Variants in RAB3GAP2 observed in about 807,000 individuals in gnomAD.
RAB3GAP2 encodes RAB3 GTPase activating non-catalytic protein subunit 2.
In RAB3GAP2, 87 loss-of-function variants were observed where a neutral mutation model predicts 185.3. That is an observed-to-expected ratio of 0.47 (90% CI 0.39 to 0.56). RAB3GAP2 has a LOEUF of 0.56. RAB3GAP2 is among the 20% of genes least tolerant of loss of function. The pLI, the probability that RAB3GAP2 is intolerant of heterozygous loss-of-function variation, is 0.00. For missense variants in RAB3GAP2, 1,492 were observed against 1,638.2 expected (o/e 0.91, Z 1.54); for synonymous variants, 554 against 576.1 (o/e 0.96, Z 0.55).
At chr1:220,218,376 T>C (rs1159655752) in intron 2 of RAB3GAP2, among the ~76,000 whole-genome samples, 2 of 152,164 alleles carry the variant, frequency 1.3e-5, no homozygotes. Flanking sequence ...GATAATATTA[T>C]TATATCATCA....
At position 220,153,282 on chromosome 1, in the gene RAB3GAP2, A is replaced by G; in HGVS notation, c.3770T>C (p.Val1257Ala). 2 of 1,614,166 alleles carry G rather than the reference A, an allele frequency of 1.2e-6. No homozygotes were observed. Among genetic ancestry groups the G allele is most frequent in the Non-Finnish European group, 1.7e-6 (2 of 1,180,000 alleles). The change falls in exon 33 of 35, where the codon GTG (valine) becomes GCG (alanine). Residue 1257 changes from valine to alanine, a missense_variant. Physicochemically the swap from Val to Ala is moderately conservative, Grantham distance 64. This residue lies in a region of RAB3GAP2 where 387 missense variants were observed against 455.3 expected (regional missense o/e 0.85). Transcript: ENST00000358951. ...GKDQDWPALAVDLAHHLQVSE... is the reference protein window; with the variant it reads ...GKDQDWPALAADLAHHLQVSE... ...AACTTGAAGGTGATGGGCTAAATCC[A>G]CAGCTAGAGCTGGCCAATCTTGGTC...
rs3213884 is a variant in RAB3GAP2, at chr1:220,170,763, A to G, written c.2806+129T>C. On this transcript the variant is annotated intron_variant, in intron 24 of 34. Transcript: ENST00000358951. ...GAGAAAATTAATTTAAAGGTAGTAT[A>G]TAGAAGGTTATTGTTATTTTTAAAT... The G allele has an allele frequency of 5.6e-5, 45 of 809,998 alleles. No homozygotes were observed. In the East Asian group the frequency reaches 1.2e-3, roughly 21 times the overall value. The allele number at this position is 809,998 out of a possible 1,614,324, so 50.2% of individuals were successfully genotyped here. A position where few individuals can be genotyped will look rare whatever the true frequency, so the allele number is the denominator to read the frequency against.
chr1:220,223,675 T>C (rs1386456362), intron 2 of RAB3GAP2, among the ~76,000 whole-genome samples: 1 of 150,454 alleles, frequency 6.6e-6, no homozygotes, highest in Non-Finnish European at 1.5e-5. Flanking sequence ...AAAACATGGG[T>C]GGAGAGAAAT....
At chr1:220,239,452 A>T (rs1347434603) in intron 1 of RAB3GAP2, among the ~76,000 whole-genome samples, 4 of 152,136 alleles carry the variant, frequency 2.6e-5, no homozygotes, top group Non-Finnish European at 5.9e-5. Context: ...GTTGGTCTTG[A>T]ACTTGTAAGC....
intron 4 of RAB3GAP2, 67 bp from the exon 5 acceptor site, chr1:220,211,069 T>C (rs1264364461): frequency 2.1e-6 from 3 of 1,459,210 alleles, no homozygotes; most frequent in South Asian, 1.2e-5. Flanking sequence ...TTCTCTATAA[T>C]TGGATGTTAA....
At chr1:220,271,180 GACTGGCACAA>G (rs989328212) in intron 1 of RAB3GAP2, 1 of 152,180 alleles carries the variant, frequency 6.6e-6, no homozygotes, top group African/African-American at 2.4e-5. Flanking sequence ...TAGCACCAAT[GACTGGCACAA>G]AGTATGCAAT....
intron 28 of RAB3GAP2, among the ~76,000 whole-genome samples, chr1:220,161,147 A>T (rs1355053270): frequency 1.3e-5 from 2 of 152,194 alleles, no homozygotes; most frequent in African/African-American, 4.8e-5. Flanking sequence ...AAAGGCCAAA[A>T]GATGCAAGTT....
intron 4 of RAB3GAP2, 200 bp from the exon 5 acceptor site, chr1:220,211,202 T>A: frequency 2.9e-6 from 2 of 686,842 alleles, no homozygotes; most frequent in South Asian, 3.1e-5. Flanking sequence ...TAATGCCACA[T>A]GCATTTGAGG....
chr1:220,202,912 C>T (rs1344751513), intron 8 of RAB3GAP2, among the ~76,000 whole-genome samples: 3 of 152,152 alleles, frequency 2.0e-5, no homozygotes, highest in African/African-American at 7.2e-5. Context: ...CACTGCACTC[C>T]AGCCCGGGTA....
chr1:220,194,079 T>C (rs1232925755), intron 12 of RAB3GAP2, among the ~76,000 whole-genome samples: 3 of 152,252 alleles, frequency 2.0e-5, no homozygotes, highest in East Asian at 3.9e-4. Context: ...TTAGAAGCTA[T>C]ACTTCGATAA....
rs1660350519 is a variant in RAB3GAP2, at chr1:220,272,227, G to C, written c.111C>G (p.Asp37Glu). 1.2e-6 allele frequency: 2 copies of C among 1,604,594 alleles called. No individual in the cohort carries two copies. Among genetic ancestry groups the C allele is most frequent in the African/African-American group, 1.3e-5 (1 of 74,684 alleles). ...CGAGGCCAGAGAGGCACTTACTGGG[G>C]TCCCTCCGCAAGGCGCCGCTGAGGA... ...EEILSGALRR[D>E]PSKSTDWEDD... Residue 37 changes from aspartate (D) to glutamate (E), a missense_variant, in exon 1 of 35, where the codon GAC becomes GAG. This residue lies in a region of RAB3GAP2 where 177 missense variants were observed against 160.6 expected (regional missense o/e 1.10). Coordinates refer to ENST00000358951, the MANE Select transcript of RAB3GAP2 (RefSeq NM_012414.4).
chr1:220,193,911 C>T (rs939599213), intron 12 of RAB3GAP2, among the ~76,000 whole-genome samples: 3 of 152,032 alleles, frequency 2.0e-5, no homozygotes, highest in Admixed American at 6.6e-5. Context: ...TAAAAGAGAA[C>T]TAGGAAAGCT....
chr1:220,167,983 GA>G (rs1475770138), intron 24 of RAB3GAP2, among the ~76,000 whole-genome samples: 1 of 151,776 alleles, frequency 6.6e-6, no homozygotes, highest in Non-Finnish European at 1.5e-5. Context: ...CTTTACCAGA[GA>G]CAAAAAAAAT....
chr1:220,193,467 C>G, intron 12 of RAB3GAP2, 88 bp from the exon 13 acceptor site: 1 of 1,288,156 alleles, frequency 7.8e-7, no homozygotes, highest in Non-Finnish European at 1.1e-6. Context: ...ATGAAATAGG[C>G]TGAATCTGTT....
intron 1 of RAB3GAP2, among the ~76,000 whole-genome samples, chr1:220,251,025 A>C (rs1191982987): frequency 5.3e-5 from 8 of 152,246 alleles, no homozygotes; most frequent in Admixed American, 5.2e-4. Context: ...TCTACTAAGC[A>C]TTAAAATGGA....
intron 19 of RAB3GAP2, among the ~76,000 whole-genome samples, chr1:220,183,291 C>T (rs1658447145): frequency 1.3e-5 from 2 of 151,490 alleles, no homozygotes; most frequent in Non-Finnish European, 2.9e-5. Context: ...CTTTGTTACC[C>T]AGGCTAGAGT....
Position 220,193,372 on chromosome 1 carries a change from G to A in RAB3GAP2, c.1138C>T (p.Leu380Phe), listed in dbSNP as rs200989668. 6.2e-7 allele frequency: 1 copy of A among 1,613,608 alleles called. No homozygotes were observed. Among genetic ancestry groups the A allele is most frequent in the Non-Finnish European group, 8.5e-7 (1 of 1,179,816 alleles). Reference sequence around the variant, plus strand: ...TCACCATGGCGTCTAGAATCTGGAAGTCCAAATCTGATATTTAAAAGAAAA... The same window carrying A: ...TCACCATGGCGTCTAGAATCTGGAAATCCAAATCTGATATTTAAAAGAAAA... The part of the protein sequence containing the change: ...PATPLAVRFG[L>F]PDSRRHGESI... The change falls in exon 13 of 35, where the codon CTT becomes TTT. Residue 380 changes from leucine to phenylalanine, a missense_variant. Physicochemically the swap from Leu to Phe is conservative, Grantham distance 22. Coordinates refer to ENST00000358951, the MANE Select transcript of RAB3GAP2 (RefSeq NM_012414.4).
At chr1:220,159,181 A>G (rs1177232024) in intron 29 of RAB3GAP2, among the ~76,000 whole-genome samples, 4 of 152,218 alleles carry the variant, frequency 2.6e-5, no homozygotes, top group Non-Finnish European at 4.4e-5. Context: ...TTAATATGCT[A>G]TCTAACAATC....
chr1:220,167,815 G>A (rs922171193), intron 24 of RAB3GAP2, 140 bp from the exon 25 acceptor site: 1 of 912,734 alleles, frequency 1.1e-6, no homozygotes, highest in Non-Finnish European at 1.7e-6. Flanking sequence ...AAAGCCATGA[G>A]ATTTACAGCA....
Sources: allele counts gnomAD v4.1 joint callset (sites outside exome capture counted in the v4.1 genomes callset), GRCh38; gene constraint gnomAD v4.1.1; regional missense constraint gnomAD v4.1.1; transcripts MANE v1.5; gene names NCBI Gene and HGNC (gene_info 2026-07-23, HGNC 2026-07-21).